Variants in MAPK15 observed in about 807,000 individuals in gnomAD.
MAPK15 encodes ERK-7.
In MAPK15, 61 loss-of-function variants were observed where a neutral mutation model predicts 60.8. That is an observed-to-expected ratio of 1.00 (90% CI 0.82 to 1.24). MAPK15 has a LOEUF of 1.24. Ranked by LOEUF, MAPK15 falls within the 50% of genes most tolerant of loss-of-function variation. The pLI, the probability that MAPK15 is intolerant of heterozygous loss-of-function variation, is 0.00. For synonymous variants in MAPK15, 356 were observed against 319.9 expected (o/e 1.11, Z -1.21); for missense variants, 808 against 741.1 (o/e 1.09, Z -1.05).
rs1015818968 is a variant in MAPK15, at chr8:143,720,040, T to C, written c.722-190T>C. Among the ~76,000 whole-genome samples, 6 of 152,040 alleles carry C rather than the reference T, an allele frequency of 3.9e-5. No individual in the cohort carries two copies. Among genetic ancestry groups the C allele is most frequent in the Admixed American group, 6.5e-5 (1 of 15,274 alleles). ...GTGCCCGAGTGTGGAGCAGGGGTCA[T>C]GTGCGGGTGCTCCCGTGCACAGGCT... On this transcript the variant is annotated intron_variant, in intron 7 of 13. Transcript: ENST00000338033. The surrounding 1 kb of genome is among the most constrained non-coding windows in gnomAD (Gnocchi z 4.6).
chr8:143,720,911 GGA>G lies in MAPK15; in HGVS notation c.917+72_917+73del. 6.3e-7 allele frequency: 1 copy of G among 1,583,922 alleles called. No homozygotes were observed. The highest frequency in any genetic ancestry group is 1.1e-5 in the South Asian group (1 of 89,160). On this transcript the variant is annotated intron_variant, in intron 9 of 13. Transcript: ENST00000338033. The surrounding 1 kb of genome is among the most constrained non-coding windows in gnomAD (Gnocchi z 4.6). ...GGGCAGGAGAGAGCCAGCCCATGAG[GGA>G]CAGCCCCCACAGCAGGGACCCTGCT...
rs372568132 is a variant in MAPK15, at chr8:143,716,441, G to A, written c.64G>A (p.Gly22Arg). ...CCTACTCAGGCGGCAGCTCGGGCAG[G>A]GGGTGAGTGCCTGGGGGTGCGTCCG... ...RYLLRRQLGQ[G>R]AYGIVWKAVD... The change falls in exon 1 of 14, where the codon GGG (glycine) becomes AGG (arginine). Residue 22 changes from glycine to arginine, a missense_variant and splice_region_variant. Transcript: ENST00000338033. The A allele has an allele frequency of 1.9e-5, 31 of 1,603,000 alleles. No homozygotes were observed. Among genetic ancestry groups the A allele is most frequent in the South Asian group, 4.5e-5 (4 of 89,392 alleles).
At chr8:143,717,965 C>A in intron 2 of MAPK15, 82 bp from the exon 3 acceptor site, 1 of 1,589,110 alleles carries the variant, frequency 6.3e-7, no homozygotes. Flanking sequence ...GGGTGACAGA[C>A]ATCAGCTCCT....
intron 1 of MAPK15, among the ~76,000 whole-genome samples, chr8:143,716,952 G>C (rs945768865): frequency 6.6e-6 from 1 of 152,056 alleles, no homozygotes; most frequent in Non-Finnish European, 1.5e-5. Flanking sequence ...GTGTGGGGGG[G>C]TGTTCGAGGG....
At position 143,719,113 on chromosome 8, in the gene MAPK15, A is replaced by C. The variant is rs1441429589; in HGVS notation, c.538A>C (p.Thr180Pro). 6.4e-7 allele frequency: 1 copy of C among 1,559,882 alleles called. No individual in the cohort carries two copies. The highest frequency in any genetic ancestry group is 2.4e-5 in the East Asian group (1 of 41,424). Reference sequence around the variant, plus strand: ...CCAGGCCGTGACAGAGTACGTGGCCACACGCTGGTACCGAGCACCGGAGGT... The same window carrying C: ...CCAGGCCGTGACAGAGTACGTGGCCCCACGCTGGTACCGAGCACCGGAGGT... The part of the protein sequence containing the change: ...EDQAVTEYVA[T>P]RWYRAPEVLL... The change falls in exon 6 of 14, where the codon ACA becomes CCA. Residue 180 changes from threonine to proline, a missense_variant. Physicochemically the swap from Thr to Pro is conservative, Grantham distance 38. Coordinates refer to ENST00000338033, the MANE Select transcript of MAPK15 (RefSeq NM_139021.3).
At chr8:143,719,574 C>A (rs1817966554) in intron 7 of MAPK15, 92 bp downstream of exon 7, 1 of 1,472,766 alleles carries the variant, frequency 6.8e-7, no homozygotes, top group Non-Finnish European at 9.0e-7. Context: ...TAGGACTGTG[C>A]TGAGAGGAGG....
chr8:143,716,409 G>T lies in MAPK15; in HGVS notation c.32G>T (p.Arg11Leu), dbSNP rs782665000. The change falls in exon 1 of 14, where the codon CGG (arginine) becomes CTG (leucine). Residue 11 changes from arginine to leucine, a missense_variant. Transcript: ENST00000338033. MCTVVDPRIV[R>L]RYLLRRQLGQ... is the part of the protein sequence containing the mutation. ...ACCGTAGTGGACCCTCGCATTGTCC[G>T]GAGATACCTACTCAGGCGGCAGCTC... 1.2e-6 allele frequency: 2 copies of T among 1,605,452 alleles called. No homozygotes were observed. The highest frequency in any genetic ancestry group is 1.4e-5 in the African/African-American group (1 of 73,918).
chr8:143,717,793 G>A lies in MAPK15; in HGVS notation c.165+1G>A, dbSNP rs1554618684. ...TTTTAGGGATAAGACAGATGCCCAG[G>A]TGAGTGTGTGGGGAGAAGCGTGGGA... On this transcript the variant is annotated splice_donor_variant, in intron 2 of 13. Transcript: ENST00000338033. LOFTEE classifies it high-confidence loss of function. 6.2e-7 allele frequency: 1 copy of A among 1,609,216 alleles called. No homozygotes were observed. The highest frequency in any genetic ancestry group is 8.5e-7 in the Non-Finnish European group (1 of 1,177,850).
In MAPK15 at chr8:143,716,444, G is replaced by A. The variant is rs782245875; in HGVS notation, c.66+1G>A. ...ACTCAGGCGGCAGCTCGGGCAGGGG[G>A]TGAGTGCCTGGGGGTGCGTCCGCGC... On this transcript the variant is annotated splice_donor_variant, in intron 1 of 13. Coordinates refer to ENST00000338033, the MANE Select transcript of MAPK15 (RefSeq NM_139021.3). LOFTEE classifies it high-confidence loss of function. 3 of 1,602,668 alleles carry A rather than the reference G, an allele frequency of 1.9e-6. No individual in the cohort carries two copies. In the East Asian group the frequency reaches 6.9e-5, roughly 37 times the overall value.
intron 4 of MAPK15, 48 bp from the exon 5 acceptor site, chr8:143,718,727 G>GTCCCCCCCCCCCCCCC: frequency 1.9e-6 from 1 of 514,524 alleles, no homozygotes; most frequent in Non-Finnish European, 3.2e-6. Context: ...CCCCCAGGTT[G>GTCCCCCCCCCCCCCCC]CCCCCCCAGC....
chr8:143,718,049 A>T lies in MAPK15; in HGVS notation c.168A>T (p.Arg56Ser). Residue 56 changes from arginine to serine, a missense_variant and splice_region_variant, in exon 3 of 14, where the codon AGA becomes AGT. Coordinates refer to ENST00000338033, the MANE Select transcript of MAPK15 (RefSeq NM_139021.3). ...CACCTGTGTTTCTGTCTCTTCAGAG[A>T]ACATTCCGGGAAATCACGCTCCTCC... ...DAFRDKTDAQRTFREITLLQE... is the reference protein window; with the variant it reads ...DAFRDKTDAQSTFREITLLQE... 3 of 1,614,062 alleles carry T rather than the reference A, an allele frequency of 1.9e-6. No homozygotes were observed. Among genetic ancestry groups the T allele is most frequent in the Non-Finnish European group, 2.5e-6 (3 of 1,179,986 alleles).
Position 143,720,203 on chromosome 8 carries a change from G to A in MAPK15, c.722-27G>A, listed in dbSNP as rs782702367. 3.2e-6 allele frequency: 5 copies of A among 1,555,160 alleles called. No individual in the cohort carries two copies. The highest frequency in any genetic ancestry group is 4.3e-6 in the Non-Finnish European group (5 of 1,150,124). Reference sequence around the variant, plus strand: ...CCGCCCCAGCCGACCAGGCCTGCCTGGGTCACACCACCTTCTGCTGCCCCA... The same window carrying A: ...CCGCCCCAGCCGACCAGGCCTGCCTAGGTCACACCACCTTCTGCTGCCCCA... On this transcript the variant is annotated intron_variant, in intron 7 of 13. Coordinates refer to ENST00000338033, the MANE Select transcript of MAPK15 (RefSeq NM_139021.3). The surrounding 1 kb of genome is among the most constrained non-coding windows in gnomAD (Gnocchi z 4.6).
rs371795375 is a variant in MAPK15, at chr8:143,718,822, G to C, written c.334G>C (p.Val112Leu). Reference protein sequence around the residue: ...VIRKGGLLQDVHVRSIFYQLL... With the variant: ...VIRKGGLLQDLHVRSIFYQLL... ...CCGGAAGGGCGGCCTGCTGCAGGACGTCCACGTGCGCTCCATCTTCTACCA... is the reference window on the plus strand; with the variant it reads ...CCGGAAGGGCGGCCTGCTGCAGGACCTCCACGTGCGCTCCATCTTCTACCA... Residue 112 changes from valine to leucine, a missense_variant, in exon 5 of 14, where the codon GTC becomes CTC. Transcript: ENST00000338033. 5.0e-6 allele frequency: 8 copies of C among 1,611,568 alleles called. No individual in the cohort carries two copies. The highest frequency in any genetic ancestry group is 6.8e-6 in the Non-Finnish European group (8 of 1,179,660).
chr8:143,721,674 G>A lies in MAPK15; in HGVS notation c.1329+1G>A. 6.2e-7 allele frequency: 1 copy of A among 1,609,030 alleles called. No individual in the cohort carries two copies. Among genetic ancestry groups the A allele is most frequent in the East Asian group, 2.2e-5 (1 of 44,778 alleles). ...AGCGCCCCCCTTGACACTCTCGCTG[G>A]TAAGTCATGGTGGGGCGGGCACAGG... is the stretch of plus-strand genomic sequence containing the variant. On this transcript the variant is annotated splice_donor_variant, in intron 12 of 13. Transcript: ENST00000338033. LOFTEE classifies it high-confidence loss of function.
In MAPK15 at chr8:143,720,880, AGGTGGGGGCAGG is replaced by A. The variant is rs1477798285; in HGVS notation, c.917+41_917+52del. On this transcript the variant is annotated intron_variant, in intron 9 of 13. Coordinates refer to ENST00000338033, the MANE Select transcript of MAPK15 (RefSeq NM_139021.3). This position sits in a 1 kb window ranked among gnomAD's most constrained non-coding sequence, Gnocchi z 4.6. ...GAGTCCCCCAAGTGCGGGGGGACAG[AGGTGGGGGCAGG>A]AGAGAGCCAGCCCATGAGGGACAGC... 1 of 1,600,470 alleles carries A rather than the reference AGGTGGGGGCAGG, an allele frequency of 6.2e-7. No homozygotes were observed. The highest frequency in any genetic ancestry group is 8.5e-7 in the Non-Finnish European group (1 of 1,174,752).
At position 143,722,375 on chromosome 8, in the gene MAPK15, T is replaced by A; in HGVS notation, c.*124T>A. 1 of 875,898 alleles carries A rather than the reference T, an allele frequency of 1.1e-6. No homozygotes were observed. Among genetic ancestry groups the A allele is most frequent in the Non-Finnish European group, 1.7e-6 (1 of 602,990 alleles). 54.3% of individuals were successfully genotyped at this position (875,898 alleles called of 1,614,324 possible). A position where few individuals can be genotyped will look rare whatever the true frequency, so the allele number is the denominator to read the frequency against. ...CTGGCCCGTTGAAGTTCCAGGGAGC[T>A]TGCCCGGGTCTCCTCGGGGGAGCAG... On this transcript the variant is annotated 3_prime_UTR_variant, in exon 14 of 14. Transcript: ENST00000338033.
In MAPK15 at chr8:143,721,904, C is replaced by T. The variant is rs372109343; in HGVS notation, c.1458+24C>T. The stretch of plus-strand genomic sequence containing the variant: ...AGGTAAGCCCGGCCCAGTCTGCCCC[C>T]GTCCCCTCATCCTCCTTTCCCCTTT... On this transcript the variant is annotated intron_variant, in intron 13 of 13. Coordinates refer to ENST00000338033, the MANE Select transcript of MAPK15 (RefSeq NM_139021.3). 3.5e-5 allele frequency: 54 copies of T among 1,548,194 alleles called. No homozygotes were observed. In the Middle Eastern group the frequency reaches 5.2e-4, roughly 15 times the overall value.
At chr8:143,718,140 A>G in intron 3 of MAPK15, 64 bp downstream of exon 3, 1 of 1,613,468 alleles carries the variant, frequency 6.2e-7, no homozygotes, top group Non-Finnish European at 8.5e-7. Flanking sequence ...CAGACAGGAG[A>G]GAAACTGGCC....
chr8:143,718,968 G>T (rs782120282), intron 5 of MAPK15, 25 bp from the exon 6 acceptor site: 1 of 1,600,988 alleles, frequency 6.2e-7, no homozygotes, highest in East Asian at 2.2e-5. Flanking sequence ...CAGCCCCGGG[G>T]CCTCAGCCTG....
Sources: gnomAD v4.1 joint callset for allele counts (sites outside exome capture counted in the v4.1 genomes callset) on GRCh38, gnomAD v4.1.1 for gene constraint, Gnocchi (gnomAD v3.1) non-coding constraint, MANE v1.5 for transcripts, NCBI Gene and HGNC (gene_info 2026-07-23, HGNC 2026-07-21) for gene names.